The following HYAL4 variants were observed in gnomAD, a reference collection of about 807,000 sequenced individuals.
HYAL4 encodes the protein hyaluronidase-4.
In HYAL4, 37 loss-of-function variants were observed where a neutral mutation model predicts 35.2. That is an observed-to-expected ratio of 1.05 (90% CI 0.81 to 1.38). The LOEUF is 1.38. Ranked by LOEUF, HYAL4 falls within the 40% of genes most tolerant of loss-of-function variation. The pLI is 0.00. For missense variants in HYAL4, 572 were observed against 572.4 expected (o/e 1.00, Z 0.01); for synonymous variants, 198 against 203.2 (o/e 0.97, Z 0.22).
intron 2 of HYAL4, among the ~76,000 whole-genome samples, chr7:123,853,552 C>T (rs1282443627): frequency 6.6e-6 from 1 of 152,134 alleles, no homozygotes; most frequent in Non-Finnish European, 1.5e-5. Flanking sequence ...TATGTTGAAC[C>T]ACTCTTGCAT....
intron 2 of HYAL4, among the ~76,000 whole-genome samples, chr7:123,865,764 A>G (rs568729758): frequency 6.6e-6 from 1 of 152,206 alleles, no homozygotes; most frequent in African/African-American, 2.4e-5. Context: ...GCTTTACTAC[A>G]AGCCACAAAA....
the HYAL4 span, among the ~76,000 whole-genome samples, chr7:123,820,718 T>G: frequency 2.9e-3 from 444 of 152,320 alleles, 10 homozygotes; most frequent in Admixed American, 0.027. Context: ...CTCTCGAACT[T>G]GTTTATCTAG....
chr7:123,780,517 A>G, the HYAL4 span, among the ~76,000 whole-genome samples: 3 of 152,236 alleles, frequency 2.0e-5, no homozygotes, highest in Non-Finnish European at 4.4e-5. Context: ...CTCACCAAGT[A>G]GTATAGCTCC....
the HYAL4 span, among the ~76,000 whole-genome samples, chr7:123,765,950 C>G: frequency 6.6e-6 from 1 of 152,170 alleles, no homozygotes; most frequent in Non-Finnish European, 1.5e-5. Context: ...TATTGTTTTA[C>G]TCTTCCTTAA....
At chr7:123,812,347 A>G in the HYAL4 span, among the ~76,000 whole-genome samples, 1 of 149,554 alleles carries the variant, frequency 6.7e-6, no homozygotes, top group South Asian at 2.1e-4. Flanking sequence ...AAATAGCTAG[A>G]AAAAATAAAA....
intron 1 of HYAL4, among the ~76,000 whole-genome samples, chr7:123,830,702 A>G (rs771882247): frequency 7.2e-5 from 11 of 152,172 alleles, no homozygotes; most frequent in Non-Finnish European, 1.2e-4. Flanking sequence ...GGTCTTTAGT[A>G]GATTCATGTC....
At chr7:123,828,621 C>G (rs1009190127), upstream of HYAL4, among the ~76,000 whole-genome samples, 6 of 152,068 alleles carry the variant, frequency 3.9e-5, no homozygotes, top group East Asian at 9.6e-4. Context: ...AATTAAAGTT[C>G]AATTTTAACA....
the HYAL4 span, among the ~76,000 whole-genome samples, chr7:123,805,466 A>G: frequency 6.6e-6 from 1 of 152,290 alleles, no homozygotes; most frequent in East Asian, 1.9e-4. Context: ...GGGAAGTGAG[A>G]ATTGAAAAGT....
the HYAL4 span, chr7:123,819,421 T>C: frequency 6.6e-6 from 1 of 152,648 alleles, no homozygotes; most frequent in African/African-American, 2.4e-5. Flanking sequence ...ATGAATATTC[T>C]GCTTCAAAGG....
At chr7:123,775,061 T>A in the HYAL4 span, among the ~76,000 whole-genome samples, 3 of 152,184 alleles carry the variant, frequency 2.0e-5, no homozygotes, top group African/African-American at 7.2e-5. Context: ...CTTGTTGCAT[T>A]GTAGGTGCTA....
chr7:123,876,129 A>G (rs1584930326), intron 4 of HYAL4: 1 of 443,736 alleles, frequency 2.3e-6, no homozygotes, highest in Non-Finnish European at 4.5e-6. Context: ...AATAGGAACC[A>G]TATACACAAA....
chr7:123,768,939 T>C, the HYAL4 span, among the ~76,000 whole-genome samples: 3 of 152,376 alleles, frequency 2.0e-5, no homozygotes, highest in South Asian at 6.2e-4. Context: ...TATGCCACAG[T>C]CTGTTTCTGT....
At chr7:123,764,665 T>C in the HYAL4 span, among the ~76,000 whole-genome samples, 2 of 152,206 alleles carry the variant, frequency 1.3e-5, no homozygotes, top group African/African-American at 4.8e-5. Context: ...TAGCTCTCTA[T>C]CTCTTTTTCT....
Position 123,877,091 on chromosome 7 carries a change from C to T in HYAL4, c.1382C>T (p.Ser461Phe). ...TADGCSGVSPSPGSLMTLCLL... is the reference protein window; with the variant it reads ...TADGCSGVSPFPGSLMTLCLL... ...GATGGCTGCTCTGGGGTTTCCCCTTCTCCTGGTTCACTAATGACACTTTGT... is the reference window on the plus strand; with the variant it reads ...GATGGCTGCTCTGGGGTTTCCCCTTTTCCTGGTTCACTAATGACACTTTGT... Residue 461 changes from serine (S) to phenylalanine (F), a missense_variant, in exon 5 of 5, where the codon TCT becomes TTT. Transcript: ENST00000223026. The T allele has an allele frequency of 6.2e-7, 1 of 1,614,172 alleles. No individual in the cohort carries two copies. Among genetic ancestry groups the T allele is most frequent in the Non-Finnish European group, 8.5e-7 (1 of 1,180,004 alleles).
chr7:123,800,822 AT>A, the HYAL4 span, among the ~76,000 whole-genome samples: 10 of 148,722 alleles, frequency 6.7e-5, no homozygotes, highest in Non-Finnish European at 9.0e-5. Context: ...ACGCTGGCTA[AT>A]TTTTTTTTTG....
chr7:123,791,732 C>G, the HYAL4 span, among the ~76,000 whole-genome samples: 2 of 152,198 alleles, frequency 1.3e-5, no homozygotes, highest in African/African-American at 4.8e-5. Context: ...TTGCCATGCA[C>G]TGGAGACGGC....
chr7:123,858,568 G>A (rs2116941384), intron 2 of HYAL4, among the ~76,000 whole-genome samples: 1 of 152,144 alleles, frequency 6.6e-6, no homozygotes, highest in South Asian at 2.1e-4. Flanking sequence ...TGGGGAAAGG[G>A]TAGTGTGCAA....
chr7:123,832,705 G>C (rs1039508071), intron 1 of HYAL4, among the ~76,000 whole-genome samples: 1 of 151,524 alleles, frequency 6.6e-6, no homozygotes, highest in South Asian at 2.1e-4. Flanking sequence ...GTTTCACTGT[G>C]TTAGCCAGGA....
chr7:123,845,205 T>C lies in HYAL4; in HGVS notation c.-602T>C, dbSNP rs1409090811. 1 of 126,788 alleles carries C rather than the reference T, an allele frequency of 7.9e-6. No homozygotes were observed. Among genetic ancestry groups the C allele is most frequent in the Admixed American group, 7.5e-5 (1 of 13,376 alleles). 7.9% of individuals were successfully genotyped at this position (126,788 alleles called of 1,614,324 possible). ...TTTATGCTATCTATTTCTTTTCCTT[T>C]TTTTTTTTTTTTTTTTTTTTTGAGA... is the stretch of plus-strand genomic sequence containing the variant. On this transcript the variant is annotated 5_prime_UTR_variant, in exon 1 of 5. Transcript: ENST00000223026.
Sources: gnomAD v4.1 joint callset for allele counts (sites outside exome capture counted in the v4.1 genomes callset) on GRCh38, gnomAD v4.1.1 for gene constraint, MANE v1.5 for transcripts, NCBI Gene and HGNC (gene_info 2026-07-23, HGNC 2026-07-21) for gene names.